The following LCE1C variants were observed in gnomAD, a reference collection of about 807,000 sequenced individuals.
LCE1C encodes late cornified envelope 1C, also known as late cornified envelope protein 1C.
In LCE1C, 1 loss-of-function variant was observed where a neutral mutation model predicts 0.7. The observed-to-expected ratio is 1.44, with a 90% CI of 0.51 to 6.83. The LOEUF (loss-of-function observed/expected upper bound fraction) is 6.83, where lower values mean the gene tolerates loss of function less well. LCE1C is among the 30% of genes most tolerant of loss of function. The pLI, the probability that LCE1C is intolerant of heterozygous loss-of-function variation, is 0.14. For synonymous variants in LCE1C, 72 were observed against 57.9 expected, an observed-to-expected ratio of 1.24 and a Z score of -1.10; for missense variants, 136 against 149.6, an observed-to-expected ratio of 0.91 and a Z score of 0.48.
In LCE1C at chr1:152,805,154, C is replaced by T. The variant is rs1286984751; in HGVS notation, c.325G>A (p.Gly109Arg). ...CAGCCTCCAGAGTGCTGGCCACTCC[C>T]CCCGCCACAGCAGCTGGAGCCCCCC... ...PSGGSSCCGGGSGQHSGGCC is the reference protein window; with the variant it reads ...PSGGSSCCGGRSGQHSGGCC The change falls in exon 2 of 2, where the codon GGG becomes AGG. Residue 109 changes from glycine (G) to arginine (R), a missense_variant. Physicochemically the swap from Gly to Arg is moderately radical, Grantham distance 125 (BLOSUM62 -2). Coordinates refer to ENST00000607093, the MANE Select transcript of LCE1C (RefSeq NM_178351.4). 1 of 1,610,998 alleles carries T rather than the reference C, an allele frequency of 6.2e-7. No homozygotes were observed. The highest frequency in any genetic ancestry group is 8.5e-7 in the Non-Finnish European group (1 of 1,178,404).
In LCE1C at chr1:152,805,288, G is replaced by T. The variant is rs2101587023; in HGVS notation, c.191C>A (p.Ser64Tyr). 6.2e-7 allele frequency: 1 copy of T among 1,613,972 alleles called. No homozygotes were observed. The highest frequency in any genetic ancestry group is 8.5e-7 in the Non-Finnish European group (1 of 1,179,974). ...TCCCCCAGAACTGCAGCATCCCCCAGAGCTGGAGCCACAGCTGCCCCCAGA... is the reference window on the plus strand; with the variant it reads ...TCCCCCAGAACTGCAGCATCCCCCATAGCTGGAGCCACAGCTGCCCCCAGA... ...SSSGGSCGSS[S>Y]GGCCSSGGGG... Residue 64 changes from serine to tyrosine, a missense_variant, in exon 2 of 2, where the codon TCT (serine) becomes TAT (tyrosine). Ser to Tyr is a moderately radical substitution (Grantham distance 144). Coordinates refer to ENST00000607093, the MANE Select transcript of LCE1C (RefSeq NM_178351.4).
chr1:152,805,695 TC>T (rs1652322020), intron 1 of LCE1C, among the ~76,000 whole-genome samples, 197 bp from the exon 2 acceptor site: 1 of 152,238 alleles, frequency 6.6e-6, no homozygotes, highest in East Asian at 1.9e-4. Flanking sequence ...GTTCACAATT[TC>T]ATCTTAAGAC....
chr1:152,806,559 A>ACT (rs1486475547), intron 1 of LCE1C, 42 bp downstream of exon 1: 1 of 152,242 alleles, frequency 6.6e-6, no homozygotes, highest in African/African-American at 2.4e-5. Context: ...GCTGAGCAAC[A>ACT]CTCTGTGGAA....
chr1:152,805,309 C>A lies in LCE1C; in HGVS notation c.170G>T (p.Gly57Val). 6.2e-7 allele frequency: 1 copy of A among 1,614,108 alleles called. No individual in the cohort carries two copies. The highest frequency in any genetic ancestry group is 8.5e-7 in the Non-Finnish European group (1 of 1,180,026). Residue 57 changes from glycine (G) to valine (V), a missense_variant, in exon 2 of 2, where the codon GGG (glycine) becomes GTG (valine). Physicochemically the swap from Gly to Val is moderately radical, Grantham distance 109. Transcript: ENST00000607093. Reference sequence around the variant, plus strand: ...CCCAGAGCTGGAGCCACAGCTGCCCCCAGAGCTGGAGCCACAGCAGCCTCC... The same window carrying A: ...CCCAGAGCTGGAGCCACAGCTGCCCACAGAGCTGGAGCCACAGCAGCCTCC... ...SSGGCCGSSS[G>V]GSCGSSSGGC...
chr1:152,806,193 G>A (rs1475100794), intron 1 of LCE1C, among the ~76,000 whole-genome samples: 1 of 152,174 alleles, frequency 6.6e-6, no homozygotes, highest in Non-Finnish European at 1.5e-5. Flanking sequence ...TGAATCTAGA[G>A]ATAAGTGAGT....
At position 152,804,994 on chromosome 1, in the gene LCE1C, T is replaced by C; in HGVS notation, c.*128A>G. 3 of 1,173,290 alleles carry C rather than the reference T, an allele frequency of 2.6e-6. No homozygotes were observed. Among genetic ancestry groups the C allele is most frequent in the Non-Finnish European group, 3.6e-6 (3 of 824,174 alleles). 72.7% of individuals were successfully genotyped at this position (1,173,290 alleles called of 1,614,324 possible). ...GAGTTTCTGGACTCCAGGGAAAAGA[T>C]ATGCTCTTGGCAAGTTCAGAGCTTT... On this transcript the variant is annotated 3_prime_UTR_variant, in exon 2 of 2. Transcript: ENST00000607093.
At chr1:152,805,722 T>C (rs749602692) in intron 1 of LCE1C, among the ~76,000 whole-genome samples, 7 of 152,220 alleles carry the variant, frequency 4.6e-5, no homozygotes, top group Non-Finnish European at 7.3e-5. Flanking sequence ...AGAATTACTA[T>C]ATCTTTTACA....
chr1:152,805,390 G>A lies in LCE1C; in HGVS notation c.89C>T (p.Pro30Leu), dbSNP rs1484701798. 1 of 1,613,674 alleles carries A rather than the reference G, an allele frequency of 6.2e-7. No homozygotes were observed. Among genetic ancestry groups the A allele is most frequent in the Admixed American group, 1.7e-5 (1 of 60,000 alleles). Residue 30 changes from proline (P) to leucine (L), a missense_variant, in exon 2 of 2, where the codon CCC becomes CTC. Physicochemically the swap from Pro to Leu is moderately conservative, Grantham distance 98. Transcript: ENST00000607093. Reference protein sequence around the residue: ...CPPKCPTPKCPPKCPPKCPPV... With the variant: ...CPPKCPTPKCLPKCPPKCPPV... Reference sequence around the variant, plus strand: ...AGGGCACTTAGGGGGACACTTTGGGGGACACTTTGGGGTGGGGCACTTGGG... The same window carrying A: ...AGGGCACTTAGGGGGACACTTTGGGAGACACTTTGGGGTGGGGCACTTGGG...
At chr1:152,805,564 C>T (rs1652318665) in intron 1 of LCE1C, 66 bp from the exon 2 acceptor site, 2 of 1,153,392 alleles carry the variant, frequency 1.7e-6, no homozygotes, top group African/African-American at 3.1e-5. Flanking sequence ...CTTGTCCTTT[C>T]CACATTGTTT....
Position 152,805,062 on chromosome 1 carries a change from G to A in LCE1C, c.*60C>T. 6.6e-7 allele frequency: 1 copy of A among 1,519,374 alleles called. No homozygotes were observed. The highest frequency in any genetic ancestry group is 1.3e-5 in the South Asian group (1 of 75,790). 94.1% of individuals were successfully genotyped at this position (1,519,374 alleles called of 1,614,324 possible). ...CTCTCAGGCAGGCCTAGTAGGAGAA[G>A]GGGGATGTCCTTGGCAGTTTGCGGT... is the stretch of plus-strand genomic sequence containing the variant. On this transcript the variant is annotated 3_prime_UTR_variant, in exon 2 of 2. Coordinates refer to ENST00000607093, the MANE Select transcript of LCE1C (RefSeq NM_178351.4).
At chr1:152,805,938 T>TA (rs1652327808) in intron 1 of LCE1C, among the ~76,000 whole-genome samples, 4 of 152,214 alleles carry the variant, frequency 2.6e-5, no homozygotes, top group Admixed American at 2.6e-4. Context: ...CTTTGTCTTG[T>TA]AAAAACCTGC....
intron 1 of LCE1C, 144 bp downstream of exon 1, chr1:152,806,457 G>A (rs1206629586): frequency 6.6e-6 from 1 of 152,382 alleles, no homozygotes; most frequent in Non-Finnish European, 1.5e-5. Flanking sequence ...TGCCTCCTGA[G>A]CACATCCTCC....
chr1:152,805,361 C>T lies in LCE1C; in HGVS notation c.118G>A (p.Val40Ile). ...PPKCPPKCPP[V>I]SSCCSVSSGG... ...GAGCTGACACTGCAGCAGGAAGAGA[C>T]AGGAGGGCACTTAGGGGGACACTTT... Residue 40 changes from valine to isoleucine, a missense_variant, in exon 2 of 2, where the codon GTC (valine) becomes ATC (isoleucine). Physicochemically the swap from Val to Ile is conservative, Grantham distance 29. Coordinates refer to ENST00000607093, the MANE Select transcript of LCE1C (RefSeq NM_178351.4). 1.2e-6 allele frequency: 2 copies of T among 1,613,694 alleles called. No individual in the cohort carries two copies. Among genetic ancestry groups the T allele is most frequent in the Non-Finnish European group, 1.7e-6 (2 of 1,179,966 alleles).
At position 152,804,880 on chromosome 1, in the gene LCE1C, T is replaced by C. The variant is rs1652281814; in HGVS notation, c.*242A>G. On this transcript the variant is annotated 3_prime_UTR_variant, in exon 2 of 2. Transcript: ENST00000607093. ...AGCAGATGCACGCTGCAAATGACAT[T>C]GAGTAAGCTAGGGGCTTAGACAGAG... 2 of 516,808 alleles carry C rather than the reference T, an allele frequency of 3.9e-6. No homozygotes were observed. The highest frequency in any genetic ancestry group is 1.9e-5 in the African/African-American group (1 of 52,668). 32.0% of individuals were successfully genotyped at this position (516,808 alleles called of 1,614,324 possible).
chr1:152,804,919 C>T lies in LCE1C; in HGVS notation c.*203G>A. 1.5e-6 allele frequency: 1 copy of T among 667,010 alleles called. No homozygotes were observed. The highest frequency in any genetic ancestry group is 2.6e-6 in the Non-Finnish European group (1 of 387,892). 41.3% of individuals were successfully genotyped at this position (667,010 alleles called of 1,614,324 possible). A position where few individuals can be genotyped will look rare whatever the true frequency, so the allele number is the denominator to read the frequency against. On this transcript the variant is annotated 3_prime_UTR_variant, in exon 2 of 2. Transcript: ENST00000607093. ...GCTTAGACAGAGCGTGGGAGGGTAG[C>T]CACAAAGGTGAGGTCCAAGGCCAGT...
In LCE1C at chr1:152,805,189, C is replaced by A; in HGVS notation, c.290G>T (p.Ser97Ile). The A allele has an allele frequency of 1.2e-6, 2 of 1,613,492 alleles. No homozygotes were observed. Among genetic ancestry groups the A allele is most frequent in the Non-Finnish European group, 1.7e-6 (2 of 1,179,814 alleles). Residue 97 changes from serine (S) to isoleucine (I), a missense_variant, in exon 2 of 2, where the codon AGC becomes ATC. Coordinates refer to ENST00000607093, the MANE Select transcript of LCE1C (RefSeq NM_178351.4). ...CHRPQSSGCC[S>I]QPSGGSSCCG... ...GCAGCTGGAGCCCCCCGAGGGCTGG[C>A]TGCAGCAGCCAGAGCTCTGGGGTCT...
Position 152,804,867 on chromosome 1 carries a change from C to A in LCE1C, c.*255G>T. 1 of 503,456 alleles carries A rather than the reference C, an allele frequency of 2.0e-6. No individual in the cohort carries two copies. The highest frequency in any genetic ancestry group is 3.1e-5 in the East Asian group (1 of 32,662). 31.2% of individuals were successfully genotyped at this position (503,456 alleles called of 1,614,324 possible). A position where few individuals can be genotyped will look rare whatever the true frequency, so the allele number is the denominator to read the frequency against. Reference sequence around the variant, plus strand: ...TAGTCCTTTAATCAGCAGATGCACGCTGCAAATGACATTGAGTAAGCTAGG... The same window carrying A: ...TAGTCCTTTAATCAGCAGATGCACGATGCAAATGACATTGAGTAAGCTAGG... On this transcript the variant is annotated 3_prime_UTR_variant, in exon 2 of 2. Coordinates refer to ENST00000607093, the MANE Select transcript of LCE1C (RefSeq NM_178351.4).
rs1216024155 is a variant in LCE1C, at chr1:152,804,906, C to T, written c.*216G>A. On this transcript the variant is annotated 3_prime_UTR_variant, in exon 2 of 2. Coordinates refer to ENST00000607093, the MANE Select transcript of LCE1C (RefSeq NM_178351.4). Reference sequence around the variant, plus strand: ...GAGTAAGCTAGGGGCTTAGACAGAGCGTGGGAGGGTAGCCACAAAGGTGAG... The same window carrying T: ...GAGTAAGCTAGGGGCTTAGACAGAGTGTGGGAGGGTAGCCACAAAGGTGAG... The T allele has an allele frequency of 3.4e-5, 21 of 619,114 alleles. No homozygotes were observed. Among genetic ancestry groups the T allele is most frequent in the South Asian group, 1.8e-4 (8 of 44,478 alleles). The allele number at this position is 619,114 out of a possible 1,614,324, so 38.4% of individuals were successfully genotyped here.
At chr1:152,805,961 G>A (rs1652328691) in intron 1 of LCE1C, among the ~76,000 whole-genome samples, 1 of 152,176 alleles carries the variant, frequency 6.6e-6, no homozygotes, top group Non-Finnish European at 1.5e-5. Context: ...ATGTACAATT[G>A]TAAATGGTTT....
Sources: allele counts gnomAD v4.1 joint callset (sites outside exome capture counted in the v4.1 genomes callset), GRCh38; gene constraint gnomAD v4.1.1; transcripts MANE v1.5; gene names NCBI Gene and HGNC (gene_info 2026-07-23, HGNC 2026-07-21).